VWA3A: variants seen among roughly 807,000 people sequenced by gnomAD.
VWA3A encodes von Willebrand factor A domain containing 3A, also known as von Willebrand factor A domain-containing protein 3A.
A neutral mutation model predicts 160.4 loss-of-function variants in VWA3A; 134 were observed. That is an observed-to-expected ratio of 0.84 (90% CI 0.73 to 0.96). The LOEUF (loss-of-function observed/expected upper bound fraction) is 0.96. Among genes scored for constraint, VWA3A ranks in the 40% least tolerant of loss-of-function variants. VWA3A has a pLI of 0.00. For synonymous variants in VWA3A, 476 were observed against 543.4 expected (o/e 0.88, Z 1.72); for missense variants, 1,310 against 1,447.9 (o/e 0.90, Z 1.55).
chr16:22,118,989 A>T lies in VWA3A; in HGVS notation c.1078A>T (p.Ser360Cys). Reference sequence around the variant, plus strand: ...CAGCCACGTGCAAGCCCTGCAGCACAGCAGCCCCTGTGAGGCGCTCACCTG... The same window carrying T: ...CAGCCACGTGCAAGCCCTGCAGCACTGCAGCCCCTGTGAGGCGCTCACCTG... ...LLSHVQALQH[S>C]SPCEALTCTM... is the part of the protein sequence containing the mutation. Residue 360 changes from serine to cysteine, a missense_variant, in exon 12 of 34, where the codon AGC becomes TGC. Physicochemically the swap from Ser to Cys is moderately radical, Grantham distance 112. Transcript: ENST00000389398. 6.2e-7 allele frequency: 1 copy of T among 1,613,778 alleles called. No homozygotes were observed. The highest frequency in any genetic ancestry group is 8.5e-7 in the Non-Finnish European group (1 of 1,179,764).
intron 1 of VWA3A, 124 bp downstream of exon 1, chr16:22,092,775 A>G: frequency 4.8e-6 from 6 of 1,237,540 alleles, no homozygotes; most frequent in East Asian, 2.7e-5. Flanking sequence ...CACTCCCTAC[A>G]TGCCGAGCAT....
intron 8 of VWA3A, 37 bp downstream of exon 8, chr16:22,111,031 G>C: frequency 6.5e-7 from 1 of 1,536,790 alleles, no homozygotes; most frequent in South Asian, 1.2e-5. Flanking sequence ...ATGTTCACTT[G>C]TTCATTTTCC....
In VWA3A at chr16:22,126,327, G is replaced by A. The variant is rs373792512; in HGVS notation, c.1652+30G>A. 1.2e-5 allele frequency: 20 copies of A among 1,603,028 alleles called. No individual in the cohort carries two copies. The East Asian group carries it at 2.5e-4, about 20-fold the overall frequency. The stretch of plus-strand genomic sequence containing the variant: ...GTGTCTCCTGGCTCCTGGGGGCAAG[G>A]GTGGGTCGTGTGTGTTTGGATGCCG... On this transcript the variant is annotated intron_variant, in intron 17 of 33. Transcript: ENST00000389398.
intron 17 of VWA3A, among the ~76,000 whole-genome samples, chr16:22,128,729 C>G (rs2045895548): frequency 6.6e-6 from 1 of 152,108 alleles, no homozygotes; most frequent in Non-Finnish European, 1.5e-5. Flanking sequence ...TATGCATATA[C>G]CACGGAATAC....
chr16:22,121,846 C>T (rs2045740747), intron 14 of VWA3A, among the ~76,000 whole-genome samples: 1 of 152,156 alleles, frequency 6.6e-6, no homozygotes, highest in South Asian at 2.1e-4. Flanking sequence ...TCACCTCCTC[C>T]ATGAAGGTTT....
rs1313193529 is a variant in VWA3A at position 22,115,341 on chromosome 16, TC to T, written c.690-3del. 2 of 1,585,988 alleles carry T rather than the reference TC, an allele frequency of 1.3e-6. No individual in the cohort carries two copies. Among genetic ancestry groups the T allele is most frequent in the Admixed American group, 3.7e-5 (2 of 54,206 alleles). ...TAATTAGGTTGCTGTTGTTGTCTCCTCCCAGCCTCCAGGAACTTAAGCTCTG... is the reference window on the plus strand; with the variant it reads ...TAATTAGGTTGCTGTTGTTGTCTCCTCCAGCCTCCAGGAACTTAAGCTCTG... On this transcript the variant is annotated splice_region_variant and splice_polypyrimidine_tract_variant and intron_variant, in intron 8 of 33. Transcript: ENST00000389398.
At chr16:22,114,887 C>G (rs2045608266) in intron 8 of VWA3A, among the ~76,000 whole-genome samples, 1 of 151,696 alleles carries the variant, frequency 6.6e-6, no homozygotes, top group Non-Finnish European at 1.5e-5. Flanking sequence ...CTCACTGCAA[C>G]CTTCCGCCTC....
At chr16:22,093,472 C>T (rs1901411772) in intron 1 of VWA3A, among the ~76,000 whole-genome samples, 1 of 152,130 alleles carries the variant, frequency 6.6e-6, no homozygotes, top group South Asian at 2.1e-4. Context: ...AGGGAAAGGG[C>T]TGCGTCCTGT....
Position 22,149,900 on chromosome 16 carries a change from A to C in VWA3A, c.3098A>C (p.Gln1033Pro). 6.2e-7 allele frequency: 1 copy of C among 1,611,100 alleles called. No individual in the cohort carries two copies. The highest frequency in any genetic ancestry group is 8.5e-7 in the Non-Finnish European group (1 of 1,178,162). The change falls in exon 29 of 34, where the codon CAG (glutamine) becomes CCG (proline). Residue 1033 changes from glutamine (Q) to proline (P), a missense_variant. Transcript: ENST00000389398. ...CAATGGGTGACCCACCTGCAAGCTC[A>C]GGGCAGCACCTCCATCTTGCAAGCA... ...AMQWVTHLQAQGSTSILQALL... is the reference protein window; with the variant it reads ...AMQWVTHLQAPGSTSILQALL...
chr16:22,155,713 T>C lies in VWA3A; in HGVS notation c.3503+49T>C, dbSNP rs762799375. On this transcript the variant is annotated intron_variant, in intron 32 of 33. Transcript: ENST00000389398. ...CGGCCTGCCATGTGGCTACAGCCCA[T>C]GCAGACCCCGGACCCCATCGAGAAG... 8.1e-6 allele frequency: 13 copies of C among 1,605,770 alleles called. 1 individual carries two copies. Among genetic ancestry groups the C allele is most frequent in the Non-Finnish European group, 9.4e-6 (11 of 1,172,964 alleles).
chr16:22,120,013 C>CAA (rs796688602), intron 12 of VWA3A, among the ~76,000 whole-genome samples: 8 of 109,946 alleles, frequency 7.3e-5, no homozygotes, highest in African/African-American at 2.3e-4. Flanking sequence ...ACAAGACTCC[C>CAA]AAAAAAAAAA....
In VWA3A at chr16:22,109,482, G is replaced by A; in HGVS notation, c.484G>A (p.Ala162Thr). 6.3e-7 allele frequency: 1 copy of A among 1,592,412 alleles called. No homozygotes were observed. Residue 162 changes from alanine (A) to threonine (T), a missense_variant and splice_region_variant, in exon 7 of 34, where the codon GCA (alanine) becomes ACA (threonine). By Grantham distance (58) the Ala-to-Thr change is moderately conservative. Coordinates refer to ENST00000389398, the MANE Select transcript of VWA3A (RefSeq NM_173615.5). ...IQWLTENSKKAFGLIKGARVS... is the reference protein window; with the variant it reads ...IQWLTENSKKTFGLIKGARVS... ...TTCCAAATGCCCTCTTTGGTTTTAG[G>A]CATTTGGCCTCATCAAAGGGGCCAG...
chr16:22,148,024 G>A (rs2046284420), intron 27 of VWA3A, 138 bp from the exon 28 acceptor site: 1 of 1,127,140 alleles, frequency 8.9e-7, no homozygotes, highest in African/African-American at 1.6e-5. Context: ...GTCTCTCAGT[G>A]GGGTGACATC....
rs1567526441 is a variant in VWA3A at position 22,100,417 on chromosome 16, G to A, written c.352G>A (p.Glu118Lys). The A allele has an allele frequency of 6.4e-7, 1 of 1,551,670 alleles. No individual in the cohort carries two copies. Among genetic ancestry groups the A allele is most frequent in the Admixed American group, 2.0e-5 (1 of 50,996 alleles). ...DLISQGTEVL[E>K]EGTNVVQKIC... ...CCTCATAAGGCTTTGCTTCTTCAGG[G>A]AGGAGGGCACCAATGTCGTGCAGAA... The change falls in exon 5 of 34, where the codon GAG becomes AAG. Residue 118 changes from glutamate to lysine, a missense_variant and splice_region_variant. Coordinates refer to ENST00000389398, the MANE Select transcript of VWA3A (RefSeq NM_173615.5).
chr16:22,115,197 GC>G (rs1170948954), intron 8 of VWA3A, 149 bp from the exon 9 acceptor site: 7 of 838,496 alleles, frequency 8.3e-6, no homozygotes, highest in Non-Finnish European at 1.2e-5. Flanking sequence ...GATCGCTTGG[GC>G]CCAGGAGTTC....
chr16:22,129,576 A>T (rs1241806743), intron 17 of VWA3A, among the ~76,000 whole-genome samples: 1 of 152,038 alleles, frequency 6.6e-6, no homozygotes, highest in Non-Finnish European at 1.5e-5. Context: ...AGTCTGAGAC[A>T]CTCAAGAGTT....
rs757730193 is a variant in VWA3A at position 22,121,120 on chromosome 16, G to A, written c.1252+17G>A. The stretch of plus-strand genomic sequence containing the variant: ...GTCTGAAAGGTAAATCTCCAAAGAG[G>A]GCAGAACCCAGGAAACAGGTGACTG... On this transcript the variant is annotated intron_variant, in intron 13 of 33. Transcript: ENST00000389398. 7.0e-5 allele frequency: 113 copies of A among 1,613,644 alleles called. No individual in the cohort carries two copies. Among genetic ancestry groups the A allele is most frequent in the Non-Finnish European group, 9.3e-5 (110 of 1,179,850 alleles).
At chr16:22,120,109 C>G (rs2045707727) in intron 12 of VWA3A, among the ~76,000 whole-genome samples, 1 of 151,976 alleles carries the variant, frequency 6.6e-6, no homozygotes. Context: ...TCTTAACACT[C>G]TGAGGTAAGT....
intron 17 of VWA3A, among the ~76,000 whole-genome samples, chr16:22,127,288 G>T (rs1192957492): frequency 7.0e-6 from 1 of 142,662 alleles, no homozygotes; most frequent in African/African-American, 2.8e-5. Flanking sequence ...CACCACACCT[G>T]GCTAATCTTT....
Sources: gnomAD v4.1 joint callset for allele counts (sites outside exome capture counted in the v4.1 genomes callset) on GRCh38, gnomAD v4.1.1 for gene constraint, MANE v1.5 for transcripts, NCBI Gene and HGNC (gene_info 2026-07-23, HGNC 2026-07-21) for gene names.